PLD5: variants seen among roughly 807,000 people sequenced by gnomAD.
PLD5 encodes the protein phospholipase D family member 5.
A neutral mutation model predicts 61.1 loss-of-function variants in PLD5; 36 were observed. The ratio of observed to expected loss-of-function variants is 0.59; its 90% confidence interval spans 0.45 to 0.78. PLD5 has a LOEUF of 0.78. Ranked by LOEUF, PLD5 falls within the 30% of genes least tolerant of loss-of-function variation. The pLI is 0.00. For missense variants in PLD5, 515 were observed against 644.4 expected, an observed-to-expected ratio of 0.80 and a Z score of 2.17; for synonymous variants, 243 against 242.8, an observed-to-expected ratio of 1.00 and a Z score of -0.01.
intron 1 of PLD5, among the ~76,000 whole-genome samples, chr1:242,459,636 T>C (rs751030797): frequency 1.3e-5 from 2 of 152,166 alleles, no homozygotes; most frequent in Non-Finnish European, 2.9e-5. Context: ...TTATTGTAAA[T>C]ACAAAATTGC....
chr1:242,444,320 C>T (rs1222318764), intron 1 of PLD5, among the ~76,000 whole-genome samples: 1 of 152,142 alleles, frequency 6.6e-6, no homozygotes, highest in Non-Finnish European at 1.5e-5. Context: ...TAAAATCACT[C>T]ATACCTTTAT....
chr1:242,172,352 A>T (rs1574447917), intron 5 of PLD5, among the ~76,000 whole-genome samples: 1 of 152,372 alleles, frequency 6.6e-6, no homozygotes, highest in East Asian at 1.9e-4. Context: ...ACAATGTACC[A>T]GAATCTCTGG....
At chr1:242,275,827 A>C (rs1437058164) in intron 3 of PLD5, among the ~76,000 whole-genome samples, 1 of 152,218 alleles carries the variant, frequency 6.6e-6, no homozygotes, top group African/African-American at 2.4e-5. Flanking sequence ...GGGTCACATG[A>C]TGAAGGGCCT....
chr1:242,265,705 C>T, intron 3 of PLD5, among the ~76,000 whole-genome samples: 1 of 152,114 alleles, frequency 6.6e-6, no homozygotes, highest in South Asian at 2.1e-4. Context: ...TCCAATGCTA[C>T]AATGCAAATC....
chr1:242,150,623 T>C (rs981847794), intron 5 of PLD5, among the ~76,000 whole-genome samples: 35 of 151,994 alleles, frequency 2.3e-4, no homozygotes, highest in Admixed American at 2.1e-3. Context: ...GTTATAGCTA[T>C]TCCAACTTTC....
Position 242,438,200 on chromosome 1 carries a change from G to T in PLD5, c.189+85888C>A, listed in dbSNP as rs77457612. Reference sequence around the variant, plus strand: ...TGCACAAGGTATATGAGGTCCACTGGGGGTAATCTGTAGTCAGGGATGGCG... The same window carrying T: ...TGCACAAGGTATATGAGGTCCACTGTGGGTAATCTGTAGTCAGGGATGGCG... On this transcript the variant is annotated intron_variant, in intron 1 of 9. Coordinates refer to ENST00000536534, the MANE Select transcript of PLD5 (RefSeq NM_001372062.1). 1.1e-3 allele frequency among the ~76,000 whole-genome samples: 166 copies of T among 152,098 alleles called. 1 individual carries two copies. Among genetic ancestry groups the T allele is most frequent in the African/African-American group, 3.9e-3 (163 of 41,514 alleles).
chr1:242,149,499 G>T (rs1356456593), intron 5 of PLD5, among the ~76,000 whole-genome samples: 1 of 150,538 alleles, frequency 6.6e-6, no homozygotes, highest in Non-Finnish European at 1.5e-5. Flanking sequence ...GAGTTGGAAA[G>T]TGTTTTACTT....
intron 1 of PLD5, among the ~76,000 whole-genome samples, chr1:242,500,235 A>C (rs1158339102): frequency 6.6e-6 from 1 of 152,216 alleles, no homozygotes; most frequent in Non-Finnish European, 1.5e-5. Context: ...TAAAAAAACA[A>C]ACTCATGCAT....
intron 1 of PLD5, among the ~76,000 whole-genome samples, chr1:242,358,732 A>C (rs1208714152): frequency 6.6e-6 from 1 of 152,244 alleles, no homozygotes; most frequent in Non-Finnish European, 1.5e-5. Flanking sequence ...GAATGGACCA[A>C]ACGCTATACT....
intron 2 of PLD5, among the ~76,000 whole-genome samples, chr1:242,303,842 T>C (rs1431346052): frequency 6.6e-6 from 1 of 152,238 alleles, no homozygotes; most frequent in Non-Finnish European, 1.5e-5. Flanking sequence ...GTCAAGTGCT[T>C]TTCCACGAGA....
intron 4 of PLD5, among the ~76,000 whole-genome samples, chr1:242,226,269 G>A (rs970896526): frequency 4.6e-5 from 7 of 151,992 alleles, no homozygotes; most frequent in African/African-American, 1.5e-4. Context: ...AGAGATCTCC[G>A]GATGTCAACC....
At chr1:242,500,353 G>A (rs1444281599) in intron 1 of PLD5, among the ~76,000 whole-genome samples, 7 of 152,274 alleles carry the variant, frequency 4.6e-5, no homozygotes, top group Admixed American at 1.3e-4. Context: ...TGGTTAAACC[G>A]CTTAAACATG....
chr1:242,247,132 C>T (rs921733422), intron 4 of PLD5, among the ~76,000 whole-genome samples: 2 of 151,936 alleles, frequency 1.3e-5, no homozygotes, highest in African/African-American at 2.4e-5. Flanking sequence ...TACAGGCGCC[C>T]GCCACCATGC....
the PLD5 span, among the ~76,000 whole-genome samples, chr1:242,530,457 G>T: frequency 6.6e-6 from 1 of 152,316 alleles, no homozygotes; most frequent in South Asian, 2.1e-4. Flanking sequence ...AAAAGCTTCT[G>T]GTAGGCAACA....
intron 1 of PLD5, among the ~76,000 whole-genome samples, chr1:242,370,500 G>A (rs1661574611): frequency 1.3e-5 from 2 of 152,092 alleles, no homozygotes; most frequent in African/African-American, 4.8e-5. Flanking sequence ...GGCTGAGCCA[G>A]GGGCCAGGGG....
intron 1 of PLD5, among the ~76,000 whole-genome samples, chr1:242,451,102 G>A (rs758995483): frequency 9.9e-5 from 15 of 152,048 alleles, no homozygotes; most frequent in Non-Finnish European, 1.6e-4. Context: ...GGGAAGAGGC[G>A]GCAACATCTA....
intron 3 of PLD5, among the ~76,000 whole-genome samples, chr1:242,270,194 T>A (rs1384305763): frequency 1.3e-5 from 2 of 150,842 alleles, no homozygotes; most frequent in Non-Finnish European, 3.0e-5. Context: ...ACCTCTCCAA[T>A]CCCTTCCTTT....
intron 1 of PLD5, among the ~76,000 whole-genome samples, chr1:242,384,270 G>A (rs186932073): frequency 1.3e-5 from 2 of 152,272 alleles, no homozygotes; most frequent in East Asian, 3.9e-4. Context: ...GGGTAACAAA[G>A]GTGAAAGAAA....
chr1:242,212,417 C>A (rs1478794628), intron 5 of PLD5, among the ~76,000 whole-genome samples: 2 of 152,160 alleles, frequency 1.3e-5, no homozygotes, highest in East Asian at 3.8e-4. Flanking sequence ...CGCGACCATG[C>A]GAGCGGTGGG....
Sources: allele counts gnomAD v4.1 joint callset (sites outside exome capture counted in the v4.1 genomes callset), GRCh38; gene constraint gnomAD v4.1.1; transcripts MANE v1.5; gene names NCBI Gene and HGNC (gene_info 2026-07-23, HGNC 2026-07-21).